The following CCPG1 variants were observed in gnomAD, a reference collection of about 807,000 sequenced individuals.
The protein encoded by CCPG1 is cell cycle progression protein 1.
A neutral mutation model predicts 81.3 loss-of-function variants in CCPG1; 46 were observed. That is an observed-to-expected ratio of 0.57 (90% CI 0.45 to 0.72). The LOEUF is 0.72. Among genes scored for constraint, CCPG1 ranks in the 30% least tolerant of loss-of-function variants. CCPG1 has a pLI of 0.00. For synonymous variants in CCPG1, 330 were observed against 305.2 expected, an observed-to-expected ratio of 1.08 and a Z score of -0.85; for missense variants, 902 against 937.6, an observed-to-expected ratio of 0.96 and a Z score of 0.50.
At chr15:55,367,031 T>C (rs1387369067) in intron 6 of CCPG1, among the ~76,000 whole-genome samples, 1 of 152,224 alleles carries the variant, frequency 6.6e-6, no homozygotes, top group East Asian at 1.9e-4. Context: ...ATGTCTTCAA[T>C]ACATCTTGAA....
chr15:55,372,204 C>T, intron 5 of CCPG1, 160 bp from the exon 6 acceptor site: 1 of 644,464 alleles, frequency 1.6e-6, no homozygotes, highest in Non-Finnish European at 2.6e-6. Context: ...GGGTTTTCAA[C>T]TCATCAACAT....
chr15:55,391,582 G>A (rs1424115726), intron 1 of CCPG1, among the ~76,000 whole-genome samples: 2 of 152,164 alleles, frequency 1.3e-5, no homozygotes, highest in East Asian at 3.8e-4. Flanking sequence ...AATTTGCAGG[G>A]GGAAAGGAGA....
At chr15:55,370,277 A>C (rs1439668273) in intron 6 of CCPG1, among the ~76,000 whole-genome samples, 1 of 152,256 alleles carries the variant, frequency 6.6e-6, no homozygotes, top group African/African-American at 2.4e-5. Flanking sequence ...CATAAGAAAT[A>C]CATTTTTCGA....
At chr15:55,361,910 T>G (rs1410318682) in intron 7 of CCPG1, among the ~76,000 whole-genome samples, 1 of 152,134 alleles carries the variant, frequency 6.6e-6, no homozygotes, top group African/African-American at 2.4e-5. Flanking sequence ...GAAGACAGAC[T>G]GAATCTTGAA....
intron 3 of CCPG1, among the ~76,000 whole-genome samples, chr15:55,384,188 G>A (rs969850221): frequency 2.0e-5 from 3 of 152,156 alleles, no homozygotes; most frequent in African/African-American, 7.2e-5. Flanking sequence ...CCAAAGGAGA[G>A]GGAGAGAGAT....
At chr15:55,402,362 G>T (rs1225072669) in intron 1 of CCPG1, among the ~76,000 whole-genome samples, 1 of 150,608 alleles carries the variant, frequency 6.6e-6, no homozygotes, top group East Asian at 1.9e-4. Flanking sequence ...TGAGTAATTG[G>T]GACTACAGGT....
intron 6 of CCPG1, among the ~76,000 whole-genome samples, chr15:55,367,140 A>G (rs1021602858): frequency 6.6e-6 from 1 of 152,186 alleles, no homozygotes; most frequent in African/African-American, 2.4e-5. Context: ...TAGATTTCTC[A>G]ATTTATAGAA....
chr15:55,372,497 C>T (rs1224355197), intron 5 of CCPG1: 2 of 191,072 alleles, frequency 1.0e-5, no homozygotes, highest in African/African-American at 4.8e-5. Context: ...CCCTTCTCTA[C>T]TAAAAATACA....
intron 1 of CCPG1, among the ~76,000 whole-genome samples, chr15:55,390,860 T>C (rs940061660): frequency 1.3e-5 from 2 of 152,234 alleles, no homozygotes; most frequent in Admixed American, 1.3e-4. Flanking sequence ...TGACTTTTAA[T>C]GTTATGACAA....
intron 1 of CCPG1, among the ~76,000 whole-genome samples, chr15:55,406,285 C>A (rs542764279): frequency 2.7e-5 from 4 of 150,202 alleles, no homozygotes; most frequent in Middle Eastern, 3.4e-3. Flanking sequence ...TAGAAACTCT[C>A]AAAGTGCTGT....
At chr15:55,387,512 TTAAC>T (rs1275585310) in intron 2 of CCPG1, among the ~76,000 whole-genome samples, 1 of 152,214 alleles carries the variant, frequency 6.6e-6, no homozygotes, top group Non-Finnish European at 1.5e-5. Context: ...TACCTGAACC[TTAAC>T]TAATAGTTTA....
At chr15:55,399,345 C>T (rs1444512067) in intron 1 of CCPG1, among the ~76,000 whole-genome samples, 3 of 145,904 alleles carry the variant, frequency 2.1e-5, no homozygotes, top group African/African-American at 7.7e-5. Flanking sequence ...TTAAAAAGAT[C>T]AACTGTCAGG....
chr15:55,361,854 A>G (rs2056206315), intron 7 of CCPG1, among the ~76,000 whole-genome samples: 1 of 152,214 alleles, frequency 6.6e-6, no homozygotes, highest in South Asian at 2.1e-4. Context: ...TGCAATTAAC[A>G]TTTCTAAGTA....
intron 7 of CCPG1, among the ~76,000 whole-genome samples, chr15:55,363,660 A>C (rs1335667982): frequency 1.3e-5 from 2 of 150,588 alleles, no homozygotes; most frequent in Non-Finnish European, 3.0e-5. Context: ...CCTCCCTGAA[A>C]GATACAATTT....
chr15:55,385,750 A>G (rs1466148675), intron 2 of CCPG1, 36 bp from the exon 3 acceptor site: 2 of 1,133,056 alleles, frequency 1.8e-6, no homozygotes, highest in Admixed American at 1.8e-5. Context: ...TTATTTGCCT[A>G]TTAGCTCCTC....
At position 55,356,478 on chromosome 15, in the gene CCPG1, A is replaced by G. The variant is rs549772203; in HGVS notation, c.2235-69T>C. On this transcript the variant is annotated intron_variant, in intron 8 of 8. Transcript: ENST00000442196. Reference sequence around the variant, plus strand: ...GTATTTAAATTTAAAACAATTTTAAATGTTTTCTCCATTAATCTATGATCT... The same window carrying G: ...GTATTTAAATTTAAAACAATTTTAAGTGTTTTCTCCATTAATCTATGATCT... 1.0e-5 allele frequency: 14 copies of G among 1,347,410 alleles called. No individual in the cohort carries two copies. The African/African-American group carries it at 1.8e-4, about 17-fold the overall frequency. 83.5% of individuals were successfully genotyped at this position (1,347,410 alleles called of 1,614,324 possible).
At chr15:55,357,731 T>G (rs1459349908) in intron 8 of CCPG1, 1 of 152,078 alleles carries the variant, frequency 6.6e-6, no homozygotes, top group African/African-American at 2.4e-5. Context: ...GTGCCTATAG[T>G]CCCAGCTACT....
rs1391068839 is a variant in CCPG1, at chr15:55,360,148, T to A, written c.1625A>T (p.Asn542Ile). Residue 542 changes from asparagine (N) to isoleucine (I), a missense_variant, in exon 8 of 9, where the codon AAT (asparagine) becomes ATT (isoleucine). Coordinates refer to ENST00000442196, the MANE Select transcript of CCPG1 (RefSeq NM_001204450.2). ...TTTATTACCCTTTTCATCAAAGATA[T>A]TCTTGGTGGTATCTTTAAAGTGTCT... ...TFRHFKDTTK[N>I]IFDEKGNKRF... 1 of 1,613,536 alleles carries A rather than the reference T, an allele frequency of 6.2e-7. No homozygotes were observed. The highest frequency in any genetic ancestry group is 8.5e-7 in the Non-Finnish European group (1 of 1,179,866).
rs1201479457 is a variant in CCPG1 at position 55,359,930 on chromosome 15, C to T, written c.1843G>A (p.Gly615Arg). Residue 615 changes from glycine (G) to arginine (R), a missense_variant, in exon 8 of 9, where the codon GGG becomes AGG. Around this residue, in one of 3 missense-constraint regions of CCPG1, gnomAD observed 746 missense variants for 728.6 expected, o/e 1.02. Coordinates refer to ENST00000442196, the MANE Select transcript of CCPG1 (RefSeq NM_001204450.2). ...KNTNSKKCSP[G>R]HDCRENSHSF... is the part of the protein sequence containing the mutation. Reference sequence around the variant, plus strand: ...TGAGAATTTTCTCTACAATCATGCCCAGGACTGCATTTCTTTGAATTTGTA... The same window carrying T: ...TGAGAATTTTCTCTACAATCATGCCTAGGACTGCATTTCTTTGAATTTGTA... 1 of 1,613,512 alleles carries T rather than the reference C, an allele frequency of 6.2e-7. No individual in the cohort carries two copies.
Sources: gnomAD v4.1 joint callset for allele counts (sites outside exome capture counted in the v4.1 genomes callset) on GRCh38, gnomAD v4.1.1 for gene constraint, gnomAD v4.1.1 regional missense constraint, MANE v1.5 for transcripts, NCBI Gene and HGNC (gene_info 2026-07-23, HGNC 2026-07-21) for gene names.